Variants in RNF149 observed in about 807,000 individuals in gnomAD.
RNF149 encodes E3 ubiquitin-protein ligase RNF149.
A neutral mutation model predicts 39.0 loss-of-function variants in RNF149; 21 were observed. The observed-to-expected ratio is 0.54, with a 90% CI of 0.38 to 0.77. The LOEUF is 0.77. Among genes scored for constraint, RNF149 ranks in the 30% least tolerant of loss-of-function variants. The pLI is 0.00. For synonymous variants in RNF149, 209 were observed against 213.6 expected (o/e 0.98, Z 0.19); for missense variants, 493 against 534.9 (o/e 0.92, Z 0.77).
chr2:101,282,031 C>A lies in RNF149; in HGVS notation c.987G>T (p.Met329Ile), dbSNP rs774602168. Reference protein sequence around the residue: ...YWGEPGDVQEMPAPESPPGRD... With the variant: ...YWGEPGDVQEIPAPESPPGRD... ...TTCCAGGAGGAGATTCTGGAGCAGG[C>A]ATCTCCTGTACATCCCCAGGCTCTC... The change falls in exon 6 of 7, where the codon ATG (methionine) becomes ATT (isoleucine). Residue 329 changes from methionine (M) to isoleucine (I), a missense_variant. Met to Ile is a conservative substitution (Grantham distance 10). Coordinates refer to ENST00000295317, the MANE Select transcript of RNF149 (RefSeq NM_173647.4). 1.9e-6 allele frequency: 3 copies of A among 1,613,756 alleles called. No homozygotes were observed. Among genetic ancestry groups the A allele is most frequent in the Non-Finnish European group, 2.5e-6 (3 of 1,179,744 alleles).
At chr2:101,275,199 C>CCT (rs1183357609), downstream of RNF149, among the ~76,000 whole-genome samples, 1 of 131,324 alleles carries the variant, frequency 7.6e-6, no homozygotes, top group Non-Finnish European at 1.5e-5. Context: ...CTCACTGCAA[C>CCT]CTCTGCCTCC....
chr2:101,272,912 T>A (rs764513993), downstream of RNF149: 1 of 1,340,136 alleles, frequency 7.5e-7, no homozygotes, highest in Non-Finnish European at 9.9e-7. Flanking sequence ...ACAGCTCCCA[T>A]GGCATGAAGC....
chr2:101,284,743 T>C (rs1682727105), intron 5 of RNF149, among the ~76,000 whole-genome samples: 1 of 152,174 alleles, frequency 6.6e-6, no homozygotes, highest in Non-Finnish European at 1.5e-5. Flanking sequence ...GAAGCTTACA[T>C]GACCATAATG....
chr2:101,274,113 ATCT>A (rs1682244366), downstream of RNF149, among the ~76,000 whole-genome samples: 1 of 150,608 alleles, frequency 6.6e-6, no homozygotes, highest in African/African-American at 2.4e-5. Flanking sequence ...AGCAATGGTG[ATCT>A]TCTTGCTGAT....
downstream of RNF149, chr2:101,272,949 T>C: frequency 7.4e-7 from 1 of 1,352,206 alleles, no homozygotes; most frequent in South Asian, 1.1e-5. Flanking sequence ...GAGGTCAGAC[T>C]AGTGGTTCGC....
intron 1 of RNF149, among the ~76,000 whole-genome samples, chr2:101,300,818 G>A (rs185381283): frequency 1.3e-5 from 2 of 152,350 alleles, no homozygotes; most frequent in South Asian, 2.1e-4. Context: ...GGGATGAACT[G>A]GAGGCAGGGC....
chr2:101,289,105 C>A, intron 3 of RNF149, 50 bp from the exon 4 acceptor site: 2 of 1,070,560 alleles, frequency 1.9e-6, no homozygotes, highest in East Asian at 2.4e-5. Flanking sequence ...CACAGTATAT[C>A]CCTTGGTAAA....
chr2:101,300,983 C>T (rs1045176799), intron 1 of RNF149, among the ~76,000 whole-genome samples: 1 of 152,188 alleles, frequency 6.6e-6, no homozygotes, highest in Admixed American at 6.5e-5. Flanking sequence ...TATTGTGCAC[C>T]ACCCTTCCTT....
intron 6 of RNF149, among the ~76,000 whole-genome samples, chr2:101,279,202 T>C (rs913917931): frequency 2.0e-5 from 3 of 152,178 alleles, no homozygotes; most frequent in African/African-American, 7.2e-5. Context: ...GTGGGGACAC[T>C]GGGGAAACTG....
At chr2:101,298,816 G>C (rs1573255207) in intron 1 of RNF149, among the ~76,000 whole-genome samples, 1 of 152,268 alleles carries the variant, frequency 6.6e-6, no homozygotes, top group Non-Finnish European at 1.5e-5. Context: ...GGTCTTATTT[G>C]CACAGTAAGA....
chr2:101,277,320 G>T, intron 6 of RNF149, 39 bp from the exon 7 acceptor site: 1 of 1,586,448 alleles, frequency 6.3e-7, no homozygotes, highest in Non-Finnish European at 8.6e-7. Flanking sequence ...TCAGAAGAGG[G>T]CAGCATATTC....
At chr2:101,278,725 T>C (rs1330717553) in intron 6 of RNF149, among the ~76,000 whole-genome samples, 1 of 152,172 alleles carries the variant, frequency 6.6e-6, no homozygotes, top group Non-Finnish European at 1.5e-5. Flanking sequence ...CTATACACTG[T>C]TATGAACTGT....
chr2:101,281,851 C>T lies in RNF149; in HGVS notation c.1159+8G>A, dbSNP rs199779020. 39 of 1,613,216 alleles carry T rather than the reference C, an allele frequency of 2.4e-5. No individual in the cohort carries two copies. The highest frequency in any genetic ancestry group is 1.8e-4 in the Middle Eastern group (1 of 5,608). Reference sequence around the variant, plus strand: ...ATTCTATTGTTTTATAATTTGCACACCGCTCACCTAGCAATGCCGTATTTT... The same window carrying T: ...ATTCTATTGTTTTATAATTTGCACATCGCTCACCTAGCAATGCCGTATTTT... On this transcript the variant is annotated splice_region_variant and intron_variant, in intron 6 of 6. Transcript: ENST00000295317.
chr2:101,291,532 C>T (rs1249352850), intron 3 of RNF149, among the ~76,000 whole-genome samples: 3 of 152,064 alleles, frequency 2.0e-5, no homozygotes, highest in Non-Finnish European at 2.9e-5. Context: ...ATCCTCCTGC[C>T]TCAGTCTCCC....
rs955099048 is a variant in RNF149, at chr2:101,296,142, A to G, written c.461-961T>C. 3.9e-5 allele frequency among the ~76,000 whole-genome samples: 6 copies of G among 152,276 alleles called. No homozygotes were observed. The East Asian group carries it at 1.2e-3, about 29-fold the overall frequency. Reference sequence around the variant, plus strand: ...CAATGAAAAACAAACAAAAAACTATACAGACCAATTCCACTTATGAGTACT... The same window carrying G: ...CAATGAAAAACAAACAAAAAACTATGCAGACCAATTCCACTTATGAGTACT... On this transcript the variant is annotated intron_variant, in intron 1 of 6. Coordinates refer to ENST00000295317, the MANE Select transcript of RNF149 (RefSeq NM_173647.4).
intron 6 of RNF149, among the ~76,000 whole-genome samples, chr2:101,278,746 C>T (rs1448731501): frequency 6.6e-6 from 1 of 152,182 alleles, no homozygotes; most frequent in African/African-American, 2.4e-5. Flanking sequence ...AGTCACCATG[C>T]TGTACAATGG....
chr2:101,274,196 T>G (rs1219800674), downstream of RNF149, among the ~76,000 whole-genome samples: 2 of 152,188 alleles, frequency 1.3e-5, no homozygotes, highest in African/African-American at 2.4e-5. Flanking sequence ...TCTTTCACCT[T>G]GCCAAAGACC....
chr2:101,306,240 T>C (rs1234843978), intron 1 of RNF149, among the ~76,000 whole-genome samples: 1 of 152,134 alleles, frequency 6.6e-6, no homozygotes, highest in Non-Finnish European at 1.5e-5. Context: ...GAACCTGCTA[T>C]TTGAAAAAAA....
chr2:101,275,329 G>C (rs1558774210), downstream of RNF149, among the ~76,000 whole-genome samples: 3 of 148,000 alleles, frequency 2.0e-5, no homozygotes, highest in South Asian at 6.5e-4. Context: ...GTGTTAGCCA[G>C]GATGGTCTCG....
Sources: gnomAD v4.1 joint callset for allele counts (sites outside exome capture counted in the v4.1 genomes callset) on GRCh38, gnomAD v4.1.1 for gene constraint, MANE v1.5 for transcripts, NCBI Gene and HGNC (gene_info 2026-07-23, HGNC 2026-07-21) for gene names.